MBNL2: variants seen among roughly 807,000 people sequenced by gnomAD.
MBNL2 encodes muscleblind like splicing regulator 2.
In MBNL2, 17 loss-of-function variants were observed where a neutral mutation model predicts 41.9. The ratio of observed to expected loss-of-function variants is 0.41; its 90% CI spans 0.28 to 0.61. The LOEUF is 0.61. Ranked by LOEUF, MBNL2 falls within the 20% of genes least tolerant of loss-of-function variation. The probability of loss-of-function intolerance (pLI) is 0.35; values close to 1 mark genes in which losing one functional copy is unlikely to be tolerated. For synonymous variants in MBNL2, 195 were observed against 182.9 expected (o/e 1.07, Z -0.53); for missense variants, 336 against 505.6 (o/e 0.66, Z 3.22).
intron 2 of MBNL2, among the ~76,000 whole-genome samples, chr13:97,333,730 A>G (rs1294427507): frequency 1.3e-5 from 2 of 152,190 alleles, no homozygotes; most frequent in Non-Finnish European, 2.9e-5. Context: ...AATTTGTTAC[A>G]TAATTATTCA....
intron 8 of MBNL2, among the ~76,000 whole-genome samples, chr13:97,369,032 ATGCAGGTC>A (rs1193123550): frequency 6.6e-6 from 1 of 152,174 alleles, no homozygotes; most frequent in Non-Finnish European, 1.5e-5. Context: ...GCAGCTCTTG[ATGCAGGTC>A]TGCTTGCAGA....
At chr13:97,192,879 G>A in the MBNL2 span, among the ~76,000 whole-genome samples, 68 of 152,342 alleles carry the variant, frequency 4.5e-4, no homozygotes, top group African/African-American at 1.5e-3. Context: ...AGTTTCACCC[G>A]AAGGCTGAAA....
the MBNL2 span, among the ~76,000 whole-genome samples, chr13:97,150,018 G>C: frequency 6.6e-6 from 1 of 152,176 alleles, no homozygotes; most frequent in Admixed American, 6.5e-5. Flanking sequence ...TTGTGCTCTG[G>C]CACTGCATGG....
Position 97,268,993 on chromosome 13 carries a change from G to A in MBNL2, c.-604-6639G>A, listed in dbSNP as rs112912554. 6.8e-3 allele frequency among the ~76,000 whole-genome samples: 1,030 copies of A among 152,296 alleles called. 13 individuals carry two copies. Among genetic ancestry groups the A allele is most frequent in the African/African-American group, 0.023 (976 of 41,566 alleles). The stretch of plus-strand genomic sequence containing the variant: ...GCCCGTGAGGAGGGCCTGCCGGAGG[G>A]TGGCTCAGCTGAACCTTCCTGGCAA... On this transcript the variant is annotated intron_variant, in intron 1 of 8. Transcript: ENST00000679496. This position sits in a 1 kb window ranked among gnomAD's most constrained non-coding sequence, Gnocchi z 4.6.
intron 2 of MBNL2, among the ~76,000 whole-genome samples, chr13:97,287,004 C>A (rs1376427105): frequency 6.6e-6 from 1 of 152,162 alleles, no homozygotes; most frequent in East Asian, 1.9e-4. Flanking sequence ...ATCCTTATAT[C>A]CTAAATTTTT....
chr13:97,366,619 A>C lies in MBNL2; in HGVS notation c.1048+1448A>C. The C allele has an allele frequency of 9.8e-7, 1 of 1,021,862 alleles. No individual in the cohort carries two copies. The highest frequency in any genetic ancestry group is 1.5e-6 in the Non-Finnish European group (1 of 657,016). The allele number at this position is 1,021,862 out of a possible 1,614,324, so 63.3% of individuals were successfully genotyped here. On this transcript the variant is annotated intron_variant, in intron 8 of 8. Coordinates refer to ENST00000679496, the MANE Select transcript of MBNL2 (RefSeq NM_001382683.1). This position sits in a 1 kb window ranked among gnomAD's most constrained non-coding sequence, Gnocchi z 4.7. ...CTAAATGAGTGCTGATATTTAAAAA[A>C]AAAATTCTCGGTGAGAATTTTTTTT...
At chr13:97,350,576 A>G (rs1290795216) in intron 5 of MBNL2, among the ~76,000 whole-genome samples, 2 of 152,204 alleles carry the variant, frequency 1.3e-5, no homozygotes, top group Admixed American at 6.5e-5. Context: ...CTAAGTTTAT[A>G]TAGTTTGCTA....
chr13:97,386,636 G>A (rs2065943338), intron 8 of MBNL2, among the ~76,000 whole-genome samples: 1 of 152,166 alleles, frequency 6.6e-6, no homozygotes, highest in Non-Finnish European at 1.5e-5. Context: ...TTATTAAATG[G>A]CTGCTCATAA....
intron 8 of MBNL2, among the ~76,000 whole-genome samples, chr13:97,368,702 G>T (rs969101862): frequency 7.2e-6 from 1 of 139,194 alleles, no homozygotes; most frequent in East Asian, 2.0e-4. Context: ...ATTCAAGTTT[G>T]TGTGTGTGTG....
intron 2 of MBNL2, among the ~76,000 whole-genome samples, chr13:97,296,290 A>G (rs1387870824): frequency 6.6e-6 from 1 of 152,236 alleles, no homozygotes; most frequent in Admixed American, 6.5e-5. Context: ...ACAACAATAT[A>G]ATTAATAGCA....
intron 1 of MBNL2, among the ~76,000 whole-genome samples, chr13:97,237,723 T>A (rs1464802347): frequency 6.6e-6 from 1 of 152,244 alleles, no homozygotes; most frequent in Non-Finnish European, 1.5e-5. Flanking sequence ...AAATTGTGAA[T>A]GACTTTGAAT....
At chr13:97,235,141 A>G (rs1594070898) in intron 1 of MBNL2, among the ~76,000 whole-genome samples, 2 of 152,266 alleles carry the variant, frequency 1.3e-5, no homozygotes, top group South Asian at 2.1e-4. Flanking sequence ...CCAGAGCTTG[A>G]TCTGAAGCTT....
the MBNL2 span, among the ~76,000 whole-genome samples, chr13:97,156,877 G>A: frequency 1.1e-4 from 16 of 152,166 alleles, no homozygotes; most frequent in South Asian, 6.2e-4. Context: ...TTGGTGATGC[G>A]GGCTCTTTTG....
At chr13:97,163,028 C>A in the MBNL2 span, among the ~76,000 whole-genome samples, 3 of 152,240 alleles carry the variant, frequency 2.0e-5, no homozygotes, top group East Asian at 5.8e-4. Context: ...CTTTGTCAAC[C>A]TGAGCTGCAG....
chr13:97,150,408 AAAGCCACAT>A, the MBNL2 span, among the ~76,000 whole-genome samples: 1 of 152,232 alleles, frequency 6.6e-6, no homozygotes, highest in East Asian at 1.9e-4. Flanking sequence ...GTCATGGGTC[AAAGCCACAT>A]GGTCTCTTCA....
At chr13:97,181,971 G>A in the MBNL2 span, among the ~76,000 whole-genome samples, 1 of 152,166 alleles carries the variant, frequency 6.6e-6, no homozygotes, top group Non-Finnish European at 1.5e-5. Context: ...GTACTTCCTT[G>A]TAACCTGGTT....
chr13:97,324,000 G>C (rs2059712929), intron 2 of MBNL2, among the ~76,000 whole-genome samples: 1 of 152,066 alleles, frequency 6.6e-6, no homozygotes, highest in Non-Finnish European at 1.5e-5. Context: ...CTATTATGCT[G>C]TCAAATAGTA....
chr13:97,283,770 G>C (rs899357118), intron 2 of MBNL2, among the ~76,000 whole-genome samples: 3 of 152,136 alleles, frequency 2.0e-5, no homozygotes, highest in African/African-American at 7.2e-5. Flanking sequence ...GTCAAGAGTA[G>C]CACCAAATTC....
chr13:97,346,887 C>T lies in MBNL2; in HGVS notation c.624C>T (p.Ile208=), dbSNP rs770519840. 15 of 1,613,842 alleles carry T rather than the reference C, an allele frequency of 9.3e-6. No individual in the cohort carries two copies. The highest frequency in any genetic ancestry group is 6.7e-5 in the Admixed American group (4 of 60,012). ...RFAHPADSTM[I]DTSDNTVTVC... is the part of the protein sequence containing the mutation. Reference sequence around the variant, plus strand: ...CACACCCCGCAGACAGCACCATGATCGACACAAGTGACAACACCGTAACCG... The same window carrying T: ...CACACCCCGCAGACAGCACCATGATTGACACAAGTGACAACACCGTAACCG... The change falls in exon 5 of 9, where the codon ATC becomes ATT. Residue 208 remains isoleucine (I), a synonymous_variant. Coordinates refer to ENST00000679496, the MANE Select transcript of MBNL2 (RefSeq NM_001382683.1). This position sits in a 1 kb window ranked among gnomAD's most constrained non-coding sequence, Gnocchi z 4.2.
Sources: allele counts gnomAD v4.1 joint callset (sites outside exome capture counted in the v4.1 genomes callset), GRCh38; gene constraint gnomAD v4.1.1; non-coding constraint Gnocchi (gnomAD v3.1); transcripts MANE v1.5; gene names NCBI Gene and HGNC (gene_info 2026-07-23, HGNC 2026-07-21).